Variants in TBC1D22A observed in about 807,000 individuals in gnomAD.
TBC1D22A encodes the protein TBC1 domain family member 22A.
A neutral mutation model predicts 60.2 loss-of-function variants in TBC1D22A; 38 were observed. The ratio of observed to expected loss-of-function variants is 0.63; its 90% CI spans 0.49 to 0.83. The LOEUF (loss-of-function observed/expected upper bound fraction) is 0.83. Among genes scored for constraint, TBC1D22A ranks in the 40% least tolerant of loss-of-function variants. The pLI, the probability that TBC1D22A is intolerant of heterozygous loss-of-function variation, is 0.00. For missense variants in TBC1D22A, 628 were observed against 701.0 expected (o/e 0.90, Z 1.18); for synonymous variants, 302 against 281.7 (o/e 1.07, Z -0.72).
chr22:46,887,526 A>G (rs925024887), intron 5 of TBC1D22A, among the ~76,000 whole-genome samples: 2 of 152,260 alleles, frequency 1.3e-5, no homozygotes, highest in Non-Finnish European at 2.9e-5. Context: ...GAAACAGCAC[A>G]AATGTTTGTT....
At chr22:46,953,958 G>C (rs2148019639) in intron 8 of TBC1D22A, among the ~76,000 whole-genome samples, 1 of 152,294 alleles carries the variant, frequency 6.6e-6, no homozygotes, top group Middle Eastern at 3.4e-3. Flanking sequence ...ATTTGTTGAA[G>C]GCCACTTAAC....
At chr22:46,810,108 C>G (rs1200399108) in intron 4 of TBC1D22A, among the ~76,000 whole-genome samples, 1 of 152,124 alleles carries the variant, frequency 6.6e-6, no homozygotes, top group Admixed American at 6.5e-5. Context: ...AAGTGATGTT[C>G]CTGGGTGTTC....
chr22:47,094,104 G>A (rs1014541470), intron 11 of TBC1D22A, among the ~76,000 whole-genome samples: 1 of 152,200 alleles, frequency 6.6e-6, no homozygotes, highest in African/African-American at 2.4e-5. Flanking sequence ...TAAGCTGGTA[G>A]TTTCAGTTCT....
chr22:46,931,085 T>C (rs956646274), intron 8 of TBC1D22A, among the ~76,000 whole-genome samples: 6 of 152,200 alleles, frequency 3.9e-5, no homozygotes, highest in Non-Finnish European at 8.8e-5. Context: ...CGCAGGCAGC[T>C]TTGGAAGTCG....
Position 47,126,322 on chromosome 22 carries a change from C to T in TBC1D22A, c.1425+14719C>T, listed in dbSNP as rs968671314. On this transcript the variant is annotated intron_variant, in intron 12 of 12. Coordinates refer to ENST00000337137, the MANE Select transcript of TBC1D22A (RefSeq NM_014346.5). ...TTAAGAAAGAGGGAGCCTTTTCAGG[C>T]CACCAGAAGACAGGGACGCCATGAT... 2.0e-5 allele frequency among the ~76,000 whole-genome samples: 3 copies of T among 152,218 alleles called. No homozygotes were observed. The South Asian group carries it at 6.2e-4, about 32-fold the overall frequency.
At chr22:47,007,210 C>T (rs1670144973) in intron 10 of TBC1D22A, among the ~76,000 whole-genome samples, 1 of 152,186 alleles carries the variant, frequency 6.6e-6, no homozygotes, top group African/African-American at 2.4e-5. Flanking sequence ...GATGTTCCTC[C>T]TGGTTTGGGG....
chr22:47,087,851 G>A (rs976784077), intron 11 of TBC1D22A, among the ~76,000 whole-genome samples: 5 of 152,100 alleles, frequency 3.3e-5, no homozygotes, highest in African/African-American at 9.6e-5. Flanking sequence ...TGAGGCGGGC[G>A]GATCACGAGG....
intron 1 of TBC1D22A, among the ~76,000 whole-genome samples, chr22:46,775,099 A>G (rs2083647795): frequency 6.6e-6 from 1 of 152,250 alleles, no homozygotes; most frequent in Non-Finnish European, 1.5e-5. Flanking sequence ...TCCTTGGCTG[A>G]AAGCCATCAG....
chr22:47,102,769 A>AGGGCTGGCTGG (rs2065468131), intron 11 of TBC1D22A, among the ~76,000 whole-genome samples: 5 of 152,104 alleles, frequency 3.3e-5, no homozygotes, highest in Admixed American at 2.6e-4. Flanking sequence ...ATTGGGTAGG[A>AGGGCTGGCTGG]GGGCTGGCTG....
At chr22:47,131,215 G>A (rs73889414) in intron 12 of TBC1D22A, among the ~76,000 whole-genome samples, 3,020 of 152,290 alleles carry the variant, frequency 0.02, 107 homozygotes, top group African/African-American at 0.069. Flanking sequence ...TCCACCATGA[G>A]ATTGAGAGGG....
intron 4 of TBC1D22A, among the ~76,000 whole-genome samples, chr22:46,872,764 T>C (rs1414757979): frequency 6.6e-6 from 1 of 152,130 alleles, no homozygotes; most frequent in Non-Finnish European, 1.5e-5. Context: ...GGGAATTGTA[T>C]AGGGAGAGAA....
At chr22:46,949,622 T>C (rs1258155504) in intron 8 of TBC1D22A, among the ~76,000 whole-genome samples, 3 of 152,248 alleles carry the variant, frequency 2.0e-5, no homozygotes, top group African/African-American at 7.2e-5. Flanking sequence ...AGCAAATTTA[T>C]ATCATTTCAT....
intron 8 of TBC1D22A, among the ~76,000 whole-genome samples, chr22:46,919,646 C>T (rs1470628633): frequency 3.3e-5 from 5 of 151,940 alleles, no homozygotes; most frequent in Non-Finnish European, 1.5e-5. Context: ...TTTCCCTGCC[C>T]ATAGCATTGT....
At chr22:46,966,285 CCTGGCAGGTTCCAGCTCA>C (rs1408452797) in intron 8 of TBC1D22A, among the ~76,000 whole-genome samples, 3 of 152,268 alleles carry the variant, frequency 2.0e-5, no homozygotes, top group African/African-American at 7.2e-5. Context: ...TCATTCTCCA[CCTGGCAGGTTCCAGCTCA>C]CACAGCACGG....
chr22:46,838,564 A>G (rs1467881847), intron 4 of TBC1D22A, among the ~76,000 whole-genome samples: 1 of 151,648 alleles, frequency 6.6e-6, no homozygotes, highest in East Asian at 1.9e-4. Context: ...TATTATGAGG[A>G]TATATTATAC....
chr22:47,024,337 ATAG>A (rs1458958729), intron 10 of TBC1D22A, among the ~76,000 whole-genome samples: 1 of 152,260 alleles, frequency 6.6e-6, no homozygotes, highest in African/African-American at 2.4e-5. Flanking sequence ...GGCCACACTA[ATAG>A]TAGTATGGCA....
chr22:46,793,689 G>A lies in TBC1D22A; in HGVS notation c.308G>A (p.Arg103His), dbSNP rs778336837. ...VVMETANRVL[R>H]NHSQRQGRPT... ...ATGGAGACGGCCAACCGTGTGCTGCGTAACCACAGCCAGCGGCAGGGGCGG... is the reference window on the plus strand; with the variant it reads ...ATGGAGACGGCCAACCGTGTGCTGCATAACCACAGCCAGCGGCAGGGGCGG... Residue 103 changes from arginine to histidine, a missense_variant, in exon 3 of 13, where the codon CGT becomes CAT. Coordinates refer to ENST00000337137, the MANE Select transcript of TBC1D22A (RefSeq NM_014346.5). The A allele has an allele frequency of 8.7e-6, 14 of 1,612,760 alleles. No individual in the cohort carries two copies. Among genetic ancestry groups the A allele is most frequent in the African/African-American group, 2.7e-5 (2 of 74,938 alleles).
intron 12 of TBC1D22A, among the ~76,000 whole-genome samples, chr22:47,129,503 G>A (rs910374087): frequency 5.3e-5 from 8 of 152,260 alleles, no homozygotes; most frequent in African/African-American, 9.6e-5. Context: ...ACAAAAAACC[G>A]TAAGAGGCTG....
At chr22:46,816,385 C>G (rs866175579) in intron 4 of TBC1D22A, among the ~76,000 whole-genome samples, 18 of 152,216 alleles carry the variant, frequency 1.2e-4, no homozygotes, top group African/African-American at 4.3e-4. Flanking sequence ...TTTACTCTTT[C>G]CCTTATCTCA....
Sources: allele counts gnomAD v4.1 joint callset (sites outside exome capture counted in the v4.1 genomes callset), GRCh38; gene constraint gnomAD v4.1.1; transcripts MANE v1.5; gene names NCBI Gene and HGNC (gene_info 2026-07-23, HGNC 2026-07-21).